The following SPATS2 variants were observed in gnomAD, a reference collection of about 807,000 sequenced individuals.
SPATS2 encodes the protein spermatogenesis associated serine rich 2, also known as spermatogenesis-associated serine-rich protein 2.
SPATS2 carries 38 observed loss-of-function variants against 63.7 expected under a neutral mutation model. The ratio of observed to expected loss-of-function variants is 0.60; its 90% CI spans 0.46 to 0.78. The LOEUF is 0.78. SPATS2 is among the 30% of genes least tolerant of loss of function. The pLI is 0.00. For missense variants in SPATS2, 588 were observed against 666.2 expected (o/e 0.88, Z 1.29); for synonymous variants, 207 against 232.9 (o/e 0.89, Z 1.01).
rs976832098 is a variant in SPATS2 at position 49,502,977 on chromosome 12, C to T, written c.839+2772C>T. On this transcript the variant is annotated intron_variant, in intron 9 of 13. Coordinates refer to ENST00000552918, the MANE Select transcript of SPATS2 (RefSeq NM_023071.4). The stretch of plus-strand genomic sequence containing the variant: ...AAATTATTTTAGGTAACTGATTTTT[C>T]CCCTTTCTGAACCTCTAGGAGGAAG... Among the ~76,000 whole-genome samples the T allele has an allele frequency of 5.0e-4, 76 of 152,162 alleles. 1 individual carries two copies. Among genetic ancestry groups the T allele is most frequent in the Admixed American group, 4.6e-3 (71 of 15,280 alleles).
At position 49,522,763 on chromosome 12, in the gene SPATS2, G is replaced by A; in HGVS notation, c.1021G>A (p.Glu341Lys). 1 of 1,613,432 alleles carries A rather than the reference G, an allele frequency of 6.2e-7. No homozygotes were observed. The highest frequency in any genetic ancestry group is 2.2e-5 in the East Asian group (1 of 44,862). Residue 341 changes from glutamate (E) to lysine (K), a missense_variant, in exon 12 of 14, where the codon GAA (glutamate) becomes AAA (lysine). Transcript: ENST00000552918. ...LRADIKHFVS[E>K]RKYDEDLGRV... ...GTCCTTTCTCCAGCACTTTGTTAGT[G>A]AACGTAAATATGATGAGGATCTGGG...
At chr12:49,451,372 T>A (rs1196581150) in intron 2 of SPATS2, among the ~76,000 whole-genome samples, 1 of 152,170 alleles carries the variant, frequency 6.6e-6, no homozygotes, top group Non-Finnish European at 1.5e-5. Flanking sequence ...TTAACTAAAT[T>A]AATGCTAATT....
chr12:49,457,777 T>C (rs1945745820), intron 2 of SPATS2, among the ~76,000 whole-genome samples: 1 of 152,186 alleles, frequency 6.6e-6, no homozygotes, highest in Admixed American at 6.5e-5. Flanking sequence ...GTTGAGAAGC[T>C]TGCCACTGAA....
chr12:49,412,733 A>G (rs2137368621), intron 2 of SPATS2, among the ~76,000 whole-genome samples: 1 of 144,934 alleles, frequency 6.9e-6, no homozygotes, highest in Non-Finnish European at 1.5e-5. Flanking sequence ...CCTGGGCAAC[A>G]GAGTGAGACG....
intron 2 of SPATS2, among the ~76,000 whole-genome samples, chr12:49,432,802 A>G (rs1164535054): frequency 6.6e-6 from 1 of 152,148 alleles, no homozygotes; most frequent in Non-Finnish European, 1.5e-5. Context: ...TGTATATACC[A>G]CATTTTATCT....
intron 11 of SPATS2, among the ~76,000 whole-genome samples, chr12:49,519,905 C>T (rs1946911645): frequency 6.6e-6 from 1 of 151,922 alleles, no homozygotes; most frequent in Admixed American, 6.6e-5. Flanking sequence ...TCCTCCACCT[C>T]CTAGGTGCAA....
chr12:49,469,661 C>T (rs536882599), intron 3 of SPATS2: 52 of 377,950 alleles, frequency 1.4e-4, no homozygotes, highest in Middle Eastern at 9.7e-4. Flanking sequence ...GAGGCTGAGG[C>T]GGGCAGATCA....
At chr12:49,375,252 T>C (rs1475142689) in intron 2 of SPATS2, among the ~76,000 whole-genome samples, 3 of 147,966 alleles carry the variant, frequency 2.0e-5, no homozygotes, top group Non-Finnish European at 3.0e-5. Flanking sequence ...AGAAGGATGT[T>C]TGTGATGAGG....
chr12:49,444,495 A>C (rs1200558225), intron 2 of SPATS2, among the ~76,000 whole-genome samples: 1 of 152,086 alleles, frequency 6.6e-6, no homozygotes, highest in Non-Finnish European at 1.5e-5. Context: ...CTTGGATTAT[A>C]GGTGTGAGCC....
intron 5 of SPATS2, 74 bp downstream of exon 5, chr12:49,489,647 C>A: frequency 8.0e-7 from 1 of 1,248,672 alleles, no homozygotes; most frequent in South Asian, 1.4e-5. Context: ...TTATAACATT[C>A]AGCAATCCAG....
intron 2 of SPATS2, among the ~76,000 whole-genome samples, chr12:49,439,176 A>G (rs369238553): frequency 1.6e-4 from 25 of 152,292 alleles, no homozygotes; most frequent in African/African-American, 5.8e-4. Context: ...GGCAAGTTCA[A>G]AGGCCTTGAA....
At chr12:49,461,661 C>T (rs576241727) in intron 3 of SPATS2, among the ~76,000 whole-genome samples, 15 of 152,192 alleles carry the variant, frequency 9.9e-5, no homozygotes, top group Middle Eastern at 6.8e-3. Flanking sequence ...TGGCGTTTTC[C>T]CCTCATTCAA....
chr12:49,515,421 G>A (rs964089412), intron 10 of SPATS2, among the ~76,000 whole-genome samples: 2 of 152,280 alleles, frequency 1.3e-5, no homozygotes, highest in African/African-American at 4.8e-5. Context: ...TAGAAATGCT[G>A]GGCTAGGTCG....
chr12:49,498,145 A>AAAAAAAATATATAT (rs66900382), intron 8 of SPATS2, among the ~76,000 whole-genome samples: 3 of 98,978 alleles, frequency 3.0e-5, no homozygotes, highest in African/African-American at 4.9e-5. Context: ...AAAAAAAAAA[A>AAAAAAAATATATAT]ATATATATAT....
chr12:49,423,730 A>T (rs1348441398), intron 2 of SPATS2, among the ~76,000 whole-genome samples: 2 of 152,226 alleles, frequency 1.3e-5, no homozygotes, highest in African/African-American at 2.4e-5. Flanking sequence ...CCCTGTAAGT[A>T]ACTGTCGTAC....
intron 3 of SPATS2, among the ~76,000 whole-genome samples, chr12:49,469,775 C>G (rs1443589126): frequency 6.6e-6 from 1 of 151,526 alleles, no homozygotes. Flanking sequence ...GTAATCCCAG[C>G]TGCTTGGGAG....
At chr12:49,520,345 T>C (rs1230507743) in intron 11 of SPATS2, among the ~76,000 whole-genome samples, 3 of 152,120 alleles carry the variant, frequency 2.0e-5, no homozygotes, top group African/African-American at 4.8e-5. Context: ...CTTGAACTCC[T>C]GACCTCAGGT....
intron 2 of SPATS2, chr12:49,389,623 C>T: frequency 8.7e-7 from 1 of 1,149,192 alleles, no homozygotes; most frequent in South Asian, 1.2e-5. Flanking sequence ...CCACAGCTCT[C>T]AATAAGCGAG....
At chr12:49,393,835 T>C (rs1592354910) in intron 2 of SPATS2, among the ~76,000 whole-genome samples, 1 of 152,150 alleles carries the variant, frequency 6.6e-6, no homozygotes, top group East Asian at 1.9e-4. Context: ...GGCCACCATG[T>C]CCTGCTATTT....
Sources: gnomAD v4.1 joint callset for allele counts (sites outside exome capture counted in the v4.1 genomes callset) on GRCh38, gnomAD v4.1.1 for gene constraint, MANE v1.5 for transcripts, NCBI Gene and HGNC (gene_info 2026-07-23, HGNC 2026-07-21) for gene names.